The following SLC24A3 variants were observed in gnomAD, a reference collection of about 807,000 sequenced individuals.
SLC24A3 encodes the protein solute carrier family 24 member 3, also known as sodium/potassium/calcium exchanger 3.
In SLC24A3, 28 loss-of-function variants were observed where a neutral mutation model predicts 75.8. The observed-to-expected ratio is 0.37, with a 90% CI of 0.27 to 0.51. The LOEUF (loss-of-function observed/expected upper bound fraction) is 0.51, where lower values mean the gene tolerates loss of function less well. Ranked by LOEUF, SLC24A3 falls within the 20% of genes least tolerant of loss-of-function variation. SLC24A3 has a pLI of 0.94. For synonymous variants in SLC24A3, 372 were observed against 334.1 expected, an observed-to-expected ratio of 1.11 and a Z score of -1.24; for missense variants, 663 against 847.8, an observed-to-expected ratio of 0.78 and a Z score of 2.71.
chr20:19,686,043 A>C (rs889858016), intron 12 of SLC24A3, among the ~76,000 whole-genome samples: 1 of 152,226 alleles, frequency 6.6e-6, no homozygotes, highest in Non-Finnish European at 1.5e-5. Context: ...GTCAGTTTTT[A>C]TATTAATTCA....
intron 2 of SLC24A3, among the ~76,000 whole-genome samples, chr20:19,315,464 T>A (rs1984564919): frequency 6.6e-6 from 1 of 152,226 alleles, no homozygotes; most frequent in South Asian, 2.1e-4. Context: ...AGGCAAGATT[T>A]GTGCTGAAAT....
intron 3 of SLC24A3, among the ~76,000 whole-genome samples, chr20:19,575,173 G>A (rs1367217568): frequency 2.0e-5 from 3 of 148,066 alleles, no homozygotes; most frequent in Non-Finnish European, 4.4e-5. Flanking sequence ...GATTTCTTGA[G>A]TCTGGTGGAA....
At position 19,481,980 on chromosome 20, in the gene SLC24A3, G is replaced by C. The variant is rs116861481; in HGVS notation, c.272-33508G>C. 6.2e-4 allele frequency among the ~76,000 whole-genome samples: 94 copies of C among 152,130 alleles called. 1 individual carries two copies. Among genetic ancestry groups the C allele is most frequent in the Non-Finnish European group, 1.0e-3 (70 of 68,004 alleles). ...TCTCCCAGACCCAGTCTTCCTCCCGGGTTCCCACCCTGTGCACACATCTCC... is the reference window on the plus strand; with the variant it reads ...TCTCCCAGACCCAGTCTTCCTCCCGCGTTCCCACCCTGTGCACACATCTCC... On this transcript the variant is annotated intron_variant, in intron 2 of 16. Coordinates refer to ENST00000328041, the MANE Select transcript of SLC24A3 (RefSeq NM_020689.4).
At chr20:19,573,431 A>G (rs190615337) in intron 3 of SLC24A3, among the ~76,000 whole-genome samples, 18 of 152,338 alleles carry the variant, frequency 1.2e-4, no homozygotes, top group Admixed American at 6.5e-4. Context: ...CACTTCCTCA[A>G]TCTTCTCCTT....
At position 19,212,934 on chromosome 20, in the gene SLC24A3, C is replaced by G; in HGVS notation, c.92C>G (p.Ala31Gly). ...DLLLSQLCFL[A>G]SVALLLWSLS... ...CTGCTGAGCCAGCTCTGCTTCCTGG[C>G]CTCGGTGGCGCTGCTGCTCTGGTCG... Residue 31 changes from alanine (A) to glycine (G), a missense_variant, in exon 1 of 17, where the codon GCC becomes GGC. Around this residue, in one of 2 missense-constraint regions of SLC24A3, gnomAD observed 153 missense variants for 144.2 expected, o/e 1.06. Coordinates refer to ENST00000328041, the MANE Select transcript of SLC24A3 (RefSeq NM_020689.4). 7.4e-7 allele frequency: 1 copy of G among 1,349,322 alleles called. No individual in the cohort carries two copies. Among genetic ancestry groups the G allele is most frequent in the Non-Finnish European group, 9.5e-7 (1 of 1,048,356 alleles). 83.6% of individuals were successfully genotyped at this position (1,349,322 alleles called of 1,614,324 possible). A position where few individuals can be genotyped will look rare whatever the true frequency, so the allele number is the denominator to read the frequency against.
At chr20:19,717,254 C>T (rs1046585753) in intron 15 of SLC24A3, among the ~76,000 whole-genome samples, 9 of 152,152 alleles carry the variant, frequency 5.9e-5, no homozygotes, top group African/African-American at 1.2e-4. Flanking sequence ...TTCAGGTGGC[C>T]GTGGGGCACT....
At chr20:19,713,368 GGA>G (rs2033010021) in intron 15 of SLC24A3, among the ~76,000 whole-genome samples, 1 of 152,194 alleles carries the variant, frequency 6.6e-6, no homozygotes, top group South Asian at 2.1e-4. Flanking sequence ...AGTGGGGAAG[GGA>G]GAGAGAGTAC....
chr20:19,489,912 A>G (rs1988183936), intron 2 of SLC24A3, among the ~76,000 whole-genome samples: 1 of 152,016 alleles, frequency 6.6e-6, no homozygotes, highest in Non-Finnish European at 1.5e-5. Flanking sequence ...ATGTTGCCCC[A>G]TTTTCTTTCT....
At chr20:19,431,968 A>G (rs1987111466) in intron 2 of SLC24A3, among the ~76,000 whole-genome samples, 1 of 152,082 alleles carries the variant, frequency 6.6e-6, no homozygotes, top group African/African-American at 2.4e-5. Context: ...TTGTTTTAGA[A>G]TTCTTAAAAA....
chr20:19,446,586 G>C, intron 2 of SLC24A3, among the ~76,000 whole-genome samples: 1 of 152,194 alleles, frequency 6.6e-6, no homozygotes, highest in Non-Finnish European at 1.5e-5. Flanking sequence ...AGTTTGGGCA[G>C]TGAATGTCAG....
intron 6 of SLC24A3, among the ~76,000 whole-genome samples, chr20:19,610,860 G>A (rs1441106819): frequency 6.6e-6 from 1 of 152,220 alleles, no homozygotes; most frequent in Non-Finnish European, 1.5e-5. Context: ...GGCCATGTGA[G>A]GGCAGAGTGG....
At chr20:19,622,457 C>A (rs1460686903) in intron 6 of SLC24A3, among the ~76,000 whole-genome samples, 1 of 152,114 alleles carries the variant, frequency 6.6e-6, no homozygotes, top group African/African-American at 2.4e-5. Context: ...AATTCACACC[C>A]TTTGAGGTTG....
intron 2 of SLC24A3, among the ~76,000 whole-genome samples, chr20:19,418,456 A>C (rs1426415333): frequency 6.6e-6 from 1 of 152,112 alleles, no homozygotes; most frequent in African/African-American, 2.4e-5. Context: ...GGAATAAAGT[A>C]GGGGGAAAAA....
intron 2 of SLC24A3, among the ~76,000 whole-genome samples, chr20:19,289,036 T>C (rs898958800): frequency 6.6e-6 from 1 of 152,172 alleles, no homozygotes; most frequent in African/African-American, 2.4e-5. Context: ...CCTCATGTGC[T>C]CTGCAGGGGA....
intron 2 of SLC24A3, among the ~76,000 whole-genome samples, chr20:19,466,550 A>G (rs1203111632): frequency 6.6e-6 from 1 of 152,198 alleles, no homozygotes; most frequent in Non-Finnish European, 1.5e-5. Flanking sequence ...AGGTAATAAA[A>G]TATGTGCATT....
At chr20:19,424,241 A>G (rs1986962550) in intron 2 of SLC24A3, among the ~76,000 whole-genome samples, 1 of 152,094 alleles carries the variant, frequency 6.6e-6, no homozygotes. Context: ...GAAACGTACA[A>G]ATCTACAGAA....
intron 1 of SLC24A3, among the ~76,000 whole-genome samples, chr20:19,257,216 T>C (rs1982841227): frequency 6.6e-6 from 1 of 152,202 alleles, no homozygotes; most frequent in Non-Finnish European, 1.5e-5. Context: ...GCCCAGGAGC[T>C]GGGACCATCA....
At chr20:19,291,474 T>C (rs566689757) in intron 2 of SLC24A3, among the ~76,000 whole-genome samples, 3 of 152,298 alleles carry the variant, frequency 2.0e-5, no homozygotes, top group African/African-American at 7.2e-5. Context: ...TGGAGTAGGT[T>C]CCACTGAGGC....
At chr20:19,668,771 G>A (rs944925943) in intron 8 of SLC24A3, among the ~76,000 whole-genome samples, 4 of 152,324 alleles carry the variant, frequency 2.6e-5, no homozygotes, top group Middle Eastern at 3.4e-3. Context: ...CAGCTACAGC[G>A]TATTGAATAC....
Sources: allele counts gnomAD v4.1 joint callset (sites outside exome capture counted in the v4.1 genomes callset), GRCh38; gene constraint gnomAD v4.1.1; regional missense constraint gnomAD v4.1.1; transcripts MANE v1.5; gene names NCBI Gene and HGNC (gene_info 2026-07-23, HGNC 2026-07-21).